COL14A1: variants seen among roughly 807,000 people sequenced by gnomAD.
The protein encoded by COL14A1 is collagen type XIV alpha 1 chain.
A neutral mutation model predicts 230.3 loss-of-function variants in COL14A1; 136 were observed. The ratio of observed to expected loss-of-function variants is 0.59; its 90% CI spans 0.51 to 0.68. The LOEUF (loss-of-function observed/expected upper bound fraction) is 0.68. COL14A1 is among the 30% of genes least tolerant of loss of function. The probability of loss-of-function intolerance (pLI) is 0.00; values close to 1 mark genes in which losing one functional copy is unlikely to be tolerated. For missense variants in COL14A1, 1,976 were observed against 2,215.8 expected, an observed-to-expected ratio of 0.89 and a Z score of 2.17; for synonymous variants, 792 against 784.1, an observed-to-expected ratio of 1.01 and a Z score of -0.17.
At chr8:120,359,155 C>T (rs531724576) in intron 45 of COL14A1, among the ~76,000 whole-genome samples, 1 of 151,918 alleles carries the variant, frequency 6.6e-6, no homozygotes, top group East Asian at 1.9e-4. Flanking sequence ...GTTTGCTGCA[C>T]CTATCGACCC....
chr8:120,238,503 G>T (rs1818518159), intron 19 of COL14A1, among the ~76,000 whole-genome samples: 1 of 152,180 alleles, frequency 6.6e-6, no homozygotes, highest in African/African-American at 2.4e-5. Context: ...TGCTGTGCTG[G>T]CAGCGAGAAT....
chr8:120,323,319 C>T (rs1453355816), intron 40 of COL14A1, among the ~76,000 whole-genome samples: 1 of 151,868 alleles, frequency 6.6e-6, no homozygotes, highest in East Asian at 1.9e-4. Context: ...GATATTAGGC[C>T]TTTGTCAGAT....
chr8:120,226,436 T>C (rs1240400029), intron 15 of COL14A1, among the ~76,000 whole-genome samples, 191 bp from the exon 16 acceptor site: 1 of 152,204 alleles, frequency 6.6e-6, no homozygotes, highest in East Asian at 1.9e-4. Flanking sequence ...CCCTAATTTA[T>C]GATATTGGTG....
At chr8:120,255,063 G>C (rs537042962) in intron 22 of COL14A1, among the ~76,000 whole-genome samples, 177 bp from the exon 23 acceptor site, 1 of 152,268 alleles carries the variant, frequency 6.6e-6, no homozygotes, top group African/African-American at 2.4e-5. Flanking sequence ...TTTGCAATCT[G>C]TTCTCTCAAG....
chr8:120,353,726 A>G (rs1822861661), intron 45 of COL14A1, among the ~76,000 whole-genome samples: 3 of 150,466 alleles, frequency 2.0e-5, no homozygotes, highest in African/African-American at 4.9e-5. Context: ...GTAATCATTA[A>G]AAAGTCAGGA....
chr8:120,228,940 C>G (rs1343022552), intron 18 of COL14A1, among the ~76,000 whole-genome samples, 171 bp downstream of exon 18: 1 of 152,052 alleles, frequency 6.6e-6, no homozygotes, highest in Non-Finnish European at 1.5e-5. Flanking sequence ...ACCTTCCTTG[C>G]CACTAAATGC....
At chr8:120,276,155 C>G (rs576293421) in intron 26 of COL14A1, among the ~76,000 whole-genome samples, 1 of 150,784 alleles carries the variant, frequency 6.6e-6, no homozygotes, top group Non-Finnish European at 1.5e-5. Context: ...ATATTTTACA[C>G]AAACACACAC....
intron 35 of COL14A1, among the ~76,000 whole-genome samples, chr8:120,298,011 A>G (rs1820579972): frequency 6.6e-6 from 1 of 152,036 alleles, no homozygotes; most frequent in South Asian, 2.1e-4. Flanking sequence ...AAAAAGTGAT[A>G]TTTATATTTT....
chr8:120,326,663 C>T (rs1350905306), intron 40 of COL14A1, among the ~76,000 whole-genome samples: 2 of 152,014 alleles, frequency 1.3e-5, no homozygotes, highest in Admixed American at 1.3e-4. Flanking sequence ...TTTTAGTTAT[C>T]ACAATTTATA....
At chr8:120,148,144 C>CT (rs59311466) in intron 2 of COL14A1, among the ~76,000 whole-genome samples, 1,527 of 122,922 alleles carry the variant, frequency 0.012, 22 homozygotes, top group African/African-American at 0.03. Context: ...ATAGGTCATT[C>CT]TTTTTTTTTT....
intron 1 of COL14A1, among the ~76,000 whole-genome samples, chr8:120,138,670 C>T (rs1447928792): frequency 3.3e-5 from 5 of 152,262 alleles, no homozygotes; most frequent in Admixed American, 6.5e-5. Flanking sequence ...TGCTCACTTC[C>T]TCCAGTACTT....
chr8:120,253,583 T>A (rs1000107599), intron 22 of COL14A1, among the ~76,000 whole-genome samples: 5 of 152,206 alleles, frequency 3.3e-5, no homozygotes, highest in Non-Finnish European at 5.9e-5. Context: ...TAAGGTATTT[T>A]AAAAATATTT....
chr8:120,232,614 T>G (rs1034867917), intron 19 of COL14A1, among the ~76,000 whole-genome samples: 1 of 152,204 alleles, frequency 6.6e-6, no homozygotes, highest in Non-Finnish European at 1.5e-5. Flanking sequence ...TTTTTATGGC[T>G]GCATAGTATT....
At chr8:120,226,531 T>C in intron 15 of COL14A1, 96 bp from the exon 16 acceptor site, 1 of 1,302,738 alleles carries the variant, frequency 7.7e-7, no homozygotes, top group South Asian at 1.6e-5. Context: ...AAGCAAAAGA[T>C]TCCTCAAAGA....
Position 120,297,533 on chromosome 8 carries a change from T to C in COL14A1, c.4259T>C (p.Ile1420Thr). 1 of 1,464,348 alleles carries C rather than the reference T, an allele frequency of 6.8e-7. No individual in the cohort carries two copies. The highest frequency in any genetic ancestry group is 9.0e-7 in the Non-Finnish European group (1 of 1,110,360). The allele number at this position is 1,464,348 out of a possible 1,614,324, so 90.7% of individuals were successfully genotyped here. ...SAPFQLQMFD[I>T]VCSTSWANTD... ...TAGTTCCAGTTACAGATGTTTGATA[T>C]TGTTTGCTCCACATCATGGGCCAAT... Residue 1420 changes from isoleucine to threonine, a missense_variant, in exon 35 of 48, where the codon ATT becomes ACT. Ile to Thr is a moderately conservative substitution (Grantham distance 89, BLOSUM62 -1). Transcript: ENST00000297848.
intron 23 of COL14A1, among the ~76,000 whole-genome samples, chr8:120,262,221 C>T (rs1017149831): frequency 4.0e-4 from 61 of 152,120 alleles, no homozygotes; most frequent in African/African-American, 1.3e-3. Flanking sequence ...GCCTGTAATC[C>T]CAGCACTTTC....
chr8:120,363,633 A>G (rs993912545), intron 45 of COL14A1, among the ~76,000 whole-genome samples: 1 of 152,212 alleles, frequency 6.6e-6, no homozygotes, highest in African/African-American at 2.4e-5. Flanking sequence ...TAGTCTAGGC[A>G]TTGAATTCAT....
intron 1 of COL14A1, among the ~76,000 whole-genome samples, chr8:120,132,034 G>A (rs1183412848): frequency 6.6e-6 from 1 of 151,646 alleles, no homozygotes; most frequent in East Asian, 1.9e-4. Context: ...ATTTTTAGTA[G>A]AGATGAGGTT....
intron 5 of COL14A1, among the ~76,000 whole-genome samples, chr8:120,176,006 A>G (rs1266459275): frequency 6.6e-6 from 1 of 152,182 alleles, no homozygotes; most frequent in African/African-American, 2.4e-5. Flanking sequence ...AGTTGTGAAG[A>G]TTGAGTTAAA....
Sources: gnomAD v4.1 joint callset for allele counts (sites outside exome capture counted in the v4.1 genomes callset) on GRCh38, gnomAD v4.1.1 for gene constraint, MANE v1.5 for transcripts, NCBI Gene and HGNC (gene_info 2026-07-23, HGNC 2026-07-21) for gene names.